ZEB1: variants seen among roughly 807,000 people sequenced by gnomAD.
ZEB1 encodes zinc finger E-box-binding homeobox 1.
Under a neutral mutation model 84.9 loss-of-function variants are expected in ZEB1, and 21 were observed. The ratio of observed to expected loss-of-function variants is 0.25; its 90% CI spans 0.18 to 0.36. The LOEUF is 0.36. Ranked by LOEUF, ZEB1 falls within the 10% of genes least tolerant of loss-of-function variation. The pLI is 1.00. For synonymous variants in ZEB1, 420 were observed against 471.1 expected (o/e 0.89, Z 1.41); for missense variants, 1,104 against 1,330.2 (o/e 0.83, Z 2.65).
intron 4 of ZEB1, among the ~76,000 whole-genome samples, chr10:31,503,879 T>C (rs2068513396): frequency 6.6e-6 from 1 of 152,148 alleles, no homozygotes; most frequent in East Asian, 1.9e-4. Flanking sequence ...GAAATGTTTA[T>C]TCATATCCTT....
At chr10:31,358,242 A>G (rs2042423755) in intron 1 of ZEB1, 1 of 152,214 alleles carries the variant, frequency 6.6e-6, no homozygotes, top group Admixed American at 6.5e-5. Flanking sequence ...GAAGCGTTGG[A>G]TAGGCTCTCA....
intron 2 of ZEB1, among the ~76,000 whole-genome samples, chr10:31,487,168 G>GT (rs1205107135): frequency 1.3e-5 from 2 of 151,414 alleles, no homozygotes. Flanking sequence ...TAGCTTGATA[G>GT]TAAGTCTTAA....
In ZEB1 at chr10:31,427,293, C is replaced by G. The variant is rs144924866; in HGVS notation, c.59-33744C>G. Among the ~76,000 whole-genome samples, 429 of 152,222 alleles carry G rather than the reference C, an allele frequency of 2.8e-3. 4 individuals are homozygous for G. Among genetic ancestry groups the G allele is most frequent in the African/African-American group, 9.3e-3 (385 of 41,538 alleles). On this transcript the variant is annotated intron_variant, in intron 1 of 8. Coordinates refer to ENST00000424869, the MANE Select transcript of ZEB1 (RefSeq NM_001174096.2). ...TCTACCAGGCATGGCAAAAATAAAA[C>G]CTTTCTTCTAATTGCCATATTCTTA...
At chr10:31,424,950 G>A (rs2056740179) in intron 1 of ZEB1, among the ~76,000 whole-genome samples, 1 of 151,920 alleles carries the variant, frequency 6.6e-6, no homozygotes, top group Non-Finnish European at 1.5e-5. Context: ...CTTAAGTGGA[G>A]CATCAGCCTT....
intron 1 of ZEB1, among the ~76,000 whole-genome samples, chr10:31,409,058 A>T (rs905191819): frequency 6.6e-6 from 1 of 152,216 alleles, no homozygotes; most frequent in African/African-American, 2.4e-5. Context: ...AGAAAAAAAC[A>T]TACAACCCCA....
chr10:31,438,159 C>T (rs903930073), intron 1 of ZEB1, among the ~76,000 whole-genome samples: 7 of 152,172 alleles, frequency 4.6e-5, no homozygotes, highest in Admixed American at 3.9e-4. Flanking sequence ...CTCCTGGCGT[C>T]TGTGCAGTAA....
chr10:31,472,967 A>G lies in ZEB1; in HGVS notation c.259+11730A>G, dbSNP rs938320259. Reference sequence around the variant, plus strand: ...AGCCAAAGACAAAAACCACATGATTATCTCAATAGATGCAGAAAAGGCCTT... The same window carrying G: ...AGCCAAAGACAAAAACCACATGATTGTCTCAATAGATGCAGAAAAGGCCTT... On this transcript the variant is annotated intron_variant, in intron 2 of 8. Coordinates refer to ENST00000424869, the MANE Select transcript of ZEB1 (RefSeq NM_001174096.2). Among the ~76,000 whole-genome samples the G allele has an allele frequency of 3.0e-5, 4 of 131,326 alleles. No homozygotes were observed. The East Asian group carries it at 8.5e-4, about 28-fold the overall frequency. 86.2% of individuals were successfully genotyped at this position (131,326 alleles called of 152,430 possible).
chr10:31,520,189 C>T lies in ZEB1; in HGVS notation c.857C>T (p.Ser286Leu). Residue 286 changes from serine (S) to leucine (L), a missense_variant, in exon 7 of 9, where the codon TCA becomes TTA. Physicochemically the swap from Ser to Leu is moderately radical, Grantham distance 145. Around this residue, in one of 7 missense-constraint regions of ZEB1, gnomAD observed 111 missense variants for 161.8 expected, o/e 0.69. Transcript: ENST00000424869. This position sits in a 1 kb window ranked among gnomAD's most constrained non-coding sequence, Gnocchi z 5.1. ...KRFSHSGSYS[S>L]HISSKKCISL... Reference sequence around the variant, plus strand: ...TTTTCCCATTCTGGCTCCTATAGCTCACACATAAGCAGTAAGAAATGTATC... The same window carrying T: ...TTTTCCCATTCTGGCTCCTATAGCTTACACATAAGCAGTAAGAAATGTATC... The T allele has an allele frequency of 1.9e-6, 3 of 1,613,920 alleles. No homozygotes were observed. The highest frequency in any genetic ancestry group is 2.5e-6 in the Non-Finnish European group (3 of 1,179,890).
upstream of ZEB1, chr10:31,319,014 C>T: frequency 3.3e-6 from 2 of 608,076 alleles, no homozygotes; most frequent in South Asian, 1.8e-5. Flanking sequence ...AATTCAAATT[C>T]AGCAGTGCCC....
intron 1 of ZEB1, among the ~76,000 whole-genome samples, chr10:31,423,404 G>A (rs915684010): frequency 1.3e-5 from 2 of 152,094 alleles, no homozygotes; most frequent in Admixed American, 6.6e-5. Context: ...TCTACAACCA[G>A]GTGAAGGAAA....
intron 1 of ZEB1, among the ~76,000 whole-genome samples, chr10:31,325,872 T>C (rs2133094065): frequency 6.6e-6 from 1 of 151,978 alleles, no homozygotes. Flanking sequence ...CTGTTACTAT[T>C]CATGCTCACG....
chr10:31,386,878 C>A (rs552860174), intron 1 of ZEB1, among the ~76,000 whole-genome samples: 229 of 152,198 alleles, frequency 1.5e-3, no homozygotes, highest in Non-Finnish European at 2.4e-3. Context: ...TTTTCAACTT[C>A]TCAACTTCCC....
intron 1 of ZEB1, among the ~76,000 whole-genome samples, chr10:31,394,029 G>T (rs945965884): frequency 6.6e-6 from 1 of 152,154 alleles, no homozygotes; most frequent in Non-Finnish European, 1.5e-5. Flanking sequence ...CACATTGCCT[G>T]CCCTCACAGC....
chr10:31,334,744 A>C (rs1347766800), intron 1 of ZEB1, among the ~76,000 whole-genome samples: 1 of 152,170 alleles, frequency 6.6e-6, no homozygotes, highest in Admixed American at 6.5e-5. Flanking sequence ...ATGTTACTAC[A>C]GGTGTTTCAT....
At chr10:31,428,054 G>T (rs2057207865) in intron 1 of ZEB1, among the ~76,000 whole-genome samples, 2 of 151,730 alleles carry the variant, frequency 1.3e-5, no homozygotes, top group African/African-American at 2.4e-5. Context: ...GTTTTTTCTT[G>T]TCTCTGTCTC....
At chr10:31,416,650 A>G (rs993154394) in intron 1 of ZEB1, among the ~76,000 whole-genome samples, 15 of 152,166 alleles carry the variant, frequency 9.9e-5, no homozygotes, top group Non-Finnish European at 4.4e-5. Flanking sequence ...AAAGTGCTTT[A>G]TAAAGATATT....
At chr10:31,507,577 T>G (rs1330545560) in intron 4 of ZEB1, among the ~76,000 whole-genome samples, 3 of 152,060 alleles carry the variant, frequency 2.0e-5, no homozygotes, top group Non-Finnish European at 2.9e-5. Context: ...TGTCTTCAAG[T>G]TCTAAAATTC....
At chr10:31,388,709 TAATC>T (rs1019785092) in intron 1 of ZEB1, among the ~76,000 whole-genome samples, 7 of 152,084 alleles carry the variant, frequency 4.6e-5, no homozygotes, top group African/African-American at 7.2e-5. Context: ...TGTATAGAGA[TAATC>T]TATATATACG....
At chr10:31,417,077 C>A (rs915807428) in intron 1 of ZEB1, among the ~76,000 whole-genome samples, 1 of 152,104 alleles carries the variant, frequency 6.6e-6, no homozygotes, top group African/African-American at 2.4e-5. Context: ...CTTTGAGGAC[C>A]TACAATGTGC....
Sources: allele counts gnomAD v4.1 joint callset (sites outside exome capture counted in the v4.1 genomes callset), GRCh38; gene constraint gnomAD v4.1.1; regional missense constraint gnomAD v4.1.1; non-coding constraint Gnocchi (gnomAD v3.1); transcripts MANE v1.5; gene names NCBI Gene and HGNC (gene_info 2026-07-23, HGNC 2026-07-21).